Variants in DPF3 observed in about 807,000 individuals in gnomAD.
The protein encoded by DPF3 is zinc finger protein DPF3.
A neutral mutation model predicts 56.8 loss-of-function variants in DPF3; 18 were observed. That is an observed-to-expected ratio of 0.32 (90% CI 0.22 to 0.47). DPF3 has a LOEUF of 0.47. Ranked by LOEUF, DPF3 falls within the 20% of genes least tolerant of loss-of-function variation. DPF3 has a pLI of 1.00. For synonymous variants in DPF3, 188 were observed against 180.2 expected (o/e 1.04, Z -0.35); for missense variants, 403 against 488.8 (o/e 0.82, Z 1.65).
chr14:72,840,832 G>A (rs1377401254), intron 1 of DPF3, among the ~76,000 whole-genome samples: 1 of 152,186 alleles, frequency 6.6e-6, no homozygotes, highest in Non-Finnish European at 1.5e-5. Flanking sequence ...AAAAGGCCAG[G>A]TCCCAGGATG....
intron 1 of DPF3, among the ~76,000 whole-genome samples, chr14:72,827,562 G>A (rs1367640145): frequency 4.2e-5 from 5 of 117,702 alleles, no homozygotes; most frequent in Admixed American, 1.2e-4. Context: ...TGCAACCTCC[G>A]CCTCCCAAGT....
At chr14:72,681,716 TGA>T (rs144045331) in intron 7 of DPF3, among the ~76,000 whole-genome samples, 10,357 of 152,146 alleles carry the variant, frequency 0.068, 873 homozygotes, top group African/African-American at 0.2. Context: ...GTCTCCATCC[TGA>T]GATGGATATA....
At chr14:72,826,362 C>T (rs1365663703) in intron 1 of DPF3, among the ~76,000 whole-genome samples, 1 of 152,196 alleles carries the variant, frequency 6.6e-6, no homozygotes, top group African/African-American at 2.4e-5. Context: ...TTCCTCCCTG[C>T]ACTCTGCCTA....
intron 2 of DPF3, among the ~76,000 whole-genome samples, chr14:72,756,840 GAAA>G (rs1251309802): frequency 2.1e-5 from 2 of 97,550 alleles, no homozygotes; most frequent in Non-Finnish European, 4.3e-5. Flanking sequence ...AAGAAAGAAA[GAAA>G]GAAAGAAAGA....
chr14:72,744,299 G>T (rs1465381361), intron 3 of DPF3, among the ~76,000 whole-genome samples: 5 of 152,080 alleles, frequency 3.3e-5, no homozygotes, highest in Admixed American at 2.6e-4. Context: ...TTGAGCCAGG[G>T]CCTCCCTCTG....
intron 8 of DPF3, among the ~76,000 whole-genome samples, chr14:72,643,154 C>T (rs541166755): frequency 1.6e-4 from 24 of 152,280 alleles, no homozygotes; most frequent in African/African-American, 2.2e-4. Context: ...GATGGCCAAC[C>T]CAAAAGTGGC....
At chr14:72,725,038 C>G (rs2139844676) in intron 4 of DPF3, among the ~76,000 whole-genome samples, 3 of 152,210 alleles carry the variant, frequency 2.0e-5, no homozygotes, top group Middle Eastern at 6.8e-3. Flanking sequence ...TCTTTATGGG[C>G]TCACTGTGTG....
chr14:72,624,983 A>AT (rs1486424363), intron 9 of DPF3, among the ~76,000 whole-genome samples: 2 of 152,086 alleles, frequency 1.3e-5, no homozygotes, highest in African/African-American at 4.8e-5. Flanking sequence ...AGTGTCTGCC[A>AT]TTTTTTTCAC....
intron 8 of DPF3, among the ~76,000 whole-genome samples, chr14:72,653,514 A>T (rs906765898): frequency 1.3e-5 from 2 of 152,222 alleles, no homozygotes; most frequent in Non-Finnish European, 2.9e-5. Flanking sequence ...CCAAGAAGTA[A>T]ATCAGCTGAG....
intron 3 of DPF3, among the ~76,000 whole-genome samples, chr14:72,743,600 C>A (rs1430238766): frequency 2.8e-5 from 4 of 141,744 alleles, no homozygotes; most frequent in African/African-American, 2.6e-5. Flanking sequence ...TTTCTTCATT[C>A]AAAAAAAAAA....
chr14:72,730,521 G>A (rs901727568), intron 4 of DPF3, among the ~76,000 whole-genome samples: 2 of 152,140 alleles, frequency 1.3e-5, no homozygotes, highest in Admixed American at 6.5e-5. Flanking sequence ...TACCCAGCTT[G>A]GGAAAGGCCC....
At chr14:72,889,915 T>A (rs1455306856) in intron 1 of DPF3, among the ~76,000 whole-genome samples, 3 of 152,224 alleles carry the variant, frequency 2.0e-5, no homozygotes, top group Non-Finnish European at 2.9e-5. Context: ...GTTATAAGCA[T>A]GACAAAATAG....
rs555503502 is a variant in DPF3 at position 72,629,698 on chromosome 14, C to T, written c.910G>A (p.Glu304Lys). Residue 304 changes from glutamate (E) to lysine (K), a missense_variant, in exon 9 of 11, where the codon GAG becomes AAG. Physicochemically the swap from Glu to Lys is moderately conservative, Grantham distance 56. Coordinates refer to ENST00000556509, the MANE Select transcript of DPF3 (RefSeq NM_001280542.3). ...TGCCACTTGTAGGTCTTGACAGCCT[C>T]GGTCATGTTCAGGGTAAACTGCAGG... ...TCLQFTLNMT[E>K]AVKTYKWQCI... is the part of the protein sequence containing the mutation. 1.3e-6 allele frequency: 2 copies of T among 1,535,978 alleles called. No homozygotes were observed. Among genetic ancestry groups the T allele is most frequent in the Admixed American group, 2.0e-5 (1 of 50,990 alleles).
chr14:72,680,395 G>T (rs1732323349), intron 7 of DPF3, among the ~76,000 whole-genome samples: 1 of 152,242 alleles, frequency 6.6e-6, no homozygotes. Flanking sequence ...GGAAGACAAA[G>T]GAAGGCTTCA....
intron 2 of DPF3, among the ~76,000 whole-genome samples, chr14:72,756,853 AAAG>A (rs1567222880): frequency 4.0e-5 from 5 of 124,000 alleles, no homozygotes; most frequent in Admixed American, 1.6e-4. Flanking sequence ...AGAAAGAAAG[AAAG>A]AAAGAAAGAA....
At chr14:72,742,256 T>C (rs1429176476) in intron 3 of DPF3, among the ~76,000 whole-genome samples, 5 of 152,036 alleles carry the variant, frequency 3.3e-5, no homozygotes, top group African/African-American at 4.8e-5. Flanking sequence ...GACTGGTCAT[T>C]TCCCCCTGAT....
intron 1 of DPF3, among the ~76,000 whole-genome samples, chr14:72,856,738 T>C (rs1047301380): frequency 6.6e-6 from 1 of 152,182 alleles, no homozygotes; most frequent in African/African-American, 2.4e-5. Context: ...AATCCAGAAG[T>C]ATGAATAATG....
intron 1 of DPF3, among the ~76,000 whole-genome samples, chr14:72,811,173 C>T (rs543483172): frequency 1.3e-5 from 2 of 152,230 alleles, no homozygotes; most frequent in Admixed American, 1.3e-4. Context: ...ACCAAGTGGA[C>T]GGTGCTAAGC....
At chr14:72,757,915 T>C (rs1313884704) in intron 2 of DPF3, among the ~76,000 whole-genome samples, 3 of 151,950 alleles carry the variant, frequency 2.0e-5, no homozygotes, top group Admixed American at 6.6e-5. Flanking sequence ...CAAATATATG[T>C]GTGTGGTGTG....
Sources: gnomAD v4.1 joint callset for allele counts (sites outside exome capture counted in the v4.1 genomes callset) on GRCh38, gnomAD v4.1.1 for gene constraint, MANE v1.5 for transcripts, NCBI Gene and HGNC (gene_info 2026-07-23, HGNC 2026-07-21) for gene names.